PFKM: variants seen among roughly 807,000 people sequenced by gnomAD.
The protein encoded by PFKM is phosphofructokinase, muscle, also known as ATP-dependent 6-phosphofructokinase, muscle type.
In PFKM, 58 loss-of-function variants were observed where a neutral mutation model predicts 95.5. The ratio of observed to expected loss-of-function variants is 0.61; its 90% confidence interval spans 0.49 to 0.76. PFKM has a LOEUF of 0.76. Ranked by LOEUF, PFKM falls within the 30% of genes least tolerant of loss-of-function variation. PFKM has a pLI of 0.00. For synonymous variants in PFKM, 336 were observed against 357.2 expected (o/e 0.94, Z 0.67); for missense variants, 678 against 1,005.4 (o/e 0.67, Z 4.40).
At chr12:48,132,058 C>T (rs1375714464) in intron 4 of PFKM, 1 of 455,868 alleles carries the variant, frequency 2.2e-6, no homozygotes, top group Non-Finnish European at 4.4e-6. Flanking sequence ...ATTTAATATG[C>T]AGTGTCTAGT....
chr12:48,133,938 G>A (rs978595616), intron 6 of PFKM, among the ~76,000 whole-genome samples: 3 of 152,144 alleles, frequency 2.0e-5, no homozygotes, highest in Non-Finnish European at 4.4e-5. Flanking sequence ...ATTCCAGTTA[G>A]TCCAATTCTC....
At position 48,107,233 on chromosome 12, in the gene PFKM, G is replaced by A. The variant is rs963421042; in HGVS notation, c.-9-132G>A. Reference sequence around the variant, plus strand: ...AAGTAGATTATTTGTATTGCCTCATGTGCTGATACTTTTATATTATATTGT... The same window carrying A: ...AAGTAGATTATTTGTATTGCCTCATATGCTGATACTTTTATATTATATTGT... On this transcript the variant is annotated intron_variant, in intron 1 of 24. Coordinates refer to the PFKM transcript ENST00000340802. 4.6e-6 allele frequency: 3 copies of A among 651,224 alleles called. No homozygotes were observed. The South Asian group carries it at 5.3e-5, about 12-fold the overall frequency. The allele number at this position is 651,224 out of a possible 1,614,324, so 40.3% of individuals were successfully genotyped here. A position where few individuals can be genotyped will look rare whatever the true frequency, so the allele number is the denominator to read the frequency against.
intron 1 of PFKM, among the ~76,000 whole-genome samples, chr12:48,120,789 C>G (rs1043449844): frequency 3.3e-5 from 5 of 152,190 alleles, no homozygotes; most frequent in Non-Finnish European, 7.4e-5. Flanking sequence ...ATTTGGCCTA[C>G]AGGCTGTTGT....
At chr12:48,144,968 C>T in intron 20 of PFKM, 63 bp from the exon 21 acceptor site, 1 of 1,149,582 alleles carries the variant, frequency 8.7e-7, no homozygotes, top group Non-Finnish European at 1.3e-6. Context: ...CTCTGTGTGT[C>T]TAGATATCTC....
rs1947272679 is a variant in PFKM at position 48,112,416 on chromosome 12, A to AT, written c.205+4224dup. ...CAGAACACGTGTGTTTTCATGAAGA[A>AT]TTATGTTGAGATAGGTAATGGATAA... On this transcript the variant is annotated intron_variant, in intron 3 of 24. Coordinates refer to the PFKM transcript ENST00000340802. 2.0e-5 allele frequency among the ~76,000 whole-genome samples: 3 copies of AT among 152,264 alleles called. No individual in the cohort carries two copies. In the South Asian group the frequency reaches 6.2e-4, roughly 32 times the overall value.
Position 48,140,833 on chromosome 12 carries a change from G to T in PFKM, c.1303G>T (p.Val435Phe). Residue 435 changes from valine to phenylalanine, a missense_variant, in exon 14 of 23, where the codon GTT becomes TTT. Coordinates refer to ENST00000359794, the MANE Select transcript of PFKM (RefSeq NM_000289.6). ...IGLIQGNRVL[V>F]VHDGFEGLAK... is the part of the protein sequence containing the mutation. ...CCTTATCCAGGGCAACCGAGTGCTC[G>T]TTGTCCATGATGGTTTCGAGGGCCT... The T allele has an allele frequency of 6.2e-7, 1 of 1,614,200 alleles. No homozygotes were observed. Among genetic ancestry groups the T allele is most frequent in the South Asian group, 1.1e-5 (1 of 91,092 alleles).
chr12:48,124,580 C>T (rs1270299006), intron 2 of PFKM, among the ~76,000 whole-genome samples: 1 of 152,184 alleles, frequency 6.6e-6, no homozygotes, highest in Non-Finnish European at 1.5e-5. Flanking sequence ...ACCTTCTGAT[C>T]CTGAGCAGTG....
intron 19 of PFKM, 46 bp from the exon 20 acceptor site, chr12:48,144,000 G>C (rs775724864): frequency 1.5e-6 from 2 of 1,365,468 alleles, no homozygotes; most frequent in African/African-American, 2.9e-5. Flanking sequence ...AATGGGGGAT[G>C]GGAAGCCAAC....
At chr12:48,131,224 C>T (rs1450058088) in intron 3 of PFKM, 92 bp from the exon 4 acceptor site, 11 of 894,838 alleles carry the variant, frequency 1.2e-5, no homozygotes, top group Non-Finnish European at 1.9e-5. Flanking sequence ...GGTGGCTTGA[C>T]TCTCAGAGAA....
rs559553156 is a variant in PFKM at position 48,132,730 on chromosome 12, G to A, written c.238-138G>A. ...CATCATTTCCCTTTCCTTTGGAAGG[G>A]ACAGATCACTCTTAAGGATGTCAAG... On this transcript the variant is annotated intron_variant, in intron 4 of 22. Coordinates refer to ENST00000359794, the MANE Select transcript of PFKM (RefSeq NM_000289.6). 3 of 754,272 alleles carry A rather than the reference G, an allele frequency of 4.0e-6. No individual in the cohort carries two copies. In the Admixed American group the frequency reaches 6.0e-5, roughly 15 times the overall value. The allele number at this position is 754,272 out of a possible 1,614,324, so 46.7% of individuals were successfully genotyped here.
Position 48,139,315 on chromosome 12 carries a change from A to C in PFKM, c.1093A>C (p.Lys365Gln). ...TKDVTKAMDE[K>Q]KFDEALKLRG... ...AGATGTGACCAAGGCCATGGATGAG[A>C]AGAAATTTGACGAAGCCCTGAAGCT... Residue 365 changes from lysine to glutamine, a missense_variant, in exon 12 of 23, where the codon AAG (lysine) becomes CAG (glutamine). Coordinates refer to ENST00000359794, the MANE Select transcript of PFKM (RefSeq NM_000289.6). The C allele has an allele frequency of 1.2e-6, 2 of 1,613,864 alleles. No homozygotes were observed. Among genetic ancestry groups the C allele is most frequent in the Non-Finnish European group, 1.7e-6 (2 of 1,179,884 alleles).
chr12:48,113,055 G>A lies in PFKM; in HGVS notation c.205+4861G>A, dbSNP rs1371394716. 3.3e-5 allele frequency among the ~76,000 whole-genome samples: 5 copies of A among 152,176 alleles called. No individual in the cohort carries two copies. The South Asian group carries it at 8.3e-4, about 25-fold the overall frequency. ...AAAAAGGCAGCAATGAGGTGTGGCT[G>A]TAGCCCAGGAACAGTCAGGGAAGCA... is the stretch of plus-strand genomic sequence containing the variant. On this transcript the variant is annotated intron_variant, in intron 3 of 24. Coordinates refer to the PFKM transcript ENST00000340802.
intron 3 of PFKM, among the ~76,000 whole-genome samples, chr12:48,108,350 AAGAG>A (rs950173579): frequency 2.0e-5 from 3 of 151,844 alleles, no homozygotes; most frequent in African/African-American, 7.3e-5. Flanking sequence ...GAGAGAGAGA[AAGAG>A]AGAGAGAAAG....
chr12:48,107,411 G>A (rs1565832204), exon 2 of PFKM: 1 of 1,599,042 alleles, frequency 6.3e-7, no homozygotes, highest in Non-Finnish European at 8.5e-7. Flanking sequence ...TTTTTCATGT[G>A]TGTGATTCAG....
intron 2 of PFKM, among the ~76,000 whole-genome samples, chr12:48,129,615 T>C (rs1949250170): frequency 6.6e-6 from 1 of 152,156 alleles, no homozygotes; most frequent in Non-Finnish European, 1.5e-5. Context: ...CATTGGAACA[T>C]AGACCAACTC....
intron 12 of PFKM, 32 bp downstream of exon 12, chr12:48,139,381 A>G (rs757080912): frequency 3.8e-6 from 6 of 1,565,618 alleles, no homozygotes; most frequent in Non-Finnish European, 5.3e-6. Flanking sequence ...CACTAGCTAC[A>G]GAAATCAGAG....
rs1392144132 is a variant in PFKM, at chr12:48,142,935, C to A, written c.1807C>A (p.Arg603=). Residue 603 remains arginine (R), a synonymous_variant, in exon 18 of 23, where the codon CGA becomes AGA. Transcript: ENST00000359794. ...CATTTTTGAGGAGCCCTTCACCATT[C>A]GAGACCTGCAGGTAGCTGGCCACCC... ...AYIFEEPFTI[R]DLQANVEHLV... The A allele has an allele frequency of 2.5e-6, 4 of 1,613,806 alleles. No individual in the cohort carries two copies. The highest frequency in any genetic ancestry group is 2.2e-5 in the East Asian group (1 of 44,880).
chr12:48,131,856 G>A, intron 4 of PFKM: 5 of 364,954 alleles, frequency 1.4e-5, no homozygotes, highest in South Asian at 1.0e-4. Context: ...AATCCTAAGA[G>A]TATCCTGAGG....
chr12:48,137,810 G>A lies in PFKM; in HGVS notation c.1026G>A (p.Gln342=), dbSNP rs763289039. 6.2e-7 allele frequency: 1 copy of A among 1,614,162 alleles called. No homozygotes were observed. The highest frequency in any genetic ancestry group is 8.5e-7 in the Non-Finnish European group (1 of 1,180,014). The part of the protein sequence containing the change: ...PACVVSLSGN[Q]AVRLPLMECV... ...GTGTAGTGAGCCTCTCTGGTAACCA[G>A]GCTGTGCGCCTGCCCCTCATGGAAT... The change falls in exon 11 of 23, where the codon CAG becomes CAA. Residue 342 remains glutamine, a synonymous_variant. Coordinates refer to ENST00000359794, the MANE Select transcript of PFKM (RefSeq NM_000289.6).
Sources: gnomAD v4.1 joint callset for allele counts (sites outside exome capture counted in the v4.1 genomes callset) on GRCh38, gnomAD v4.1.1 for gene constraint, MANE v1.5 for transcripts, NCBI Gene and HGNC (gene_info 2026-07-23, HGNC 2026-07-21) for gene names.